EHMT1: variants seen among roughly 807,000 people sequenced by gnomAD.
EHMT1 encodes histone-lysine N-methyltransferase EHMT1.
In EHMT1, 15 loss-of-function variants were observed where a neutral mutation model predicts 147.2. The ratio of observed to expected loss-of-function variants is 0.10; its 90% CI spans 0.07 to 0.16. The LOEUF (loss-of-function observed/expected upper bound fraction) is 0.16, where lower values mean the gene tolerates loss of function less well. Among genes scored for constraint, EHMT1 ranks in the 10% least tolerant of loss-of-function variants. The pLI is 1.00. For missense variants in EHMT1, 1,587 were observed against 1,772.4 expected, an observed-to-expected ratio of 0.90 and a Z score of 1.88; for synonymous variants, 795 against 709.6, an observed-to-expected ratio of 1.12 and a Z score of -1.91.
At chr9:137,798,403 A>C (rs1389763138) in intron 16 of EHMT1, among the ~76,000 whole-genome samples, 1 of 152,120 alleles carries the variant, frequency 6.6e-6, no homozygotes, top group Non-Finnish European at 1.5e-5. Flanking sequence ...CCCCATCTCA[A>C]AAAGGAGAGA....
At chr9:137,713,356 G>A (rs1401689517) in intron 2 of EHMT1, among the ~76,000 whole-genome samples, 2 of 142,224 alleles carry the variant, frequency 1.4e-5, no homozygotes, top group Non-Finnish European at 3.0e-5. Flanking sequence ...TGCAAGCTCC[G>A]CTTCCCGGGT....
chr9:137,663,073 G>A (rs1462029806), intron 1 of EHMT1, among the ~76,000 whole-genome samples: 1 of 152,200 alleles, frequency 6.6e-6, no homozygotes, highest in East Asian at 1.9e-4. Context: ...GAATACAGGT[G>A]TGAGCCACCG....
At chr9:137,683,927 T>C (rs2134630176) in intron 1 of EHMT1, among the ~76,000 whole-genome samples, 1 of 152,204 alleles carries the variant, frequency 6.6e-6, no homozygotes, top group South Asian at 2.1e-4. Context: ...TCCTTCAAGA[T>C]CTTTGCCTTT....
In EHMT1 at chr9:137,743,570, A is replaced by G. The variant is rs138108260; in HGVS notation, c.981+42A>G. On this transcript the variant is annotated intron_variant, in intron 5 of 26. Coordinates refer to ENST00000460843, the MANE Select transcript of EHMT1 (RefSeq NM_024757.5). ...AGTGAGTTGCCACGTGTGCGTGGAAATGCGTTTCTGTGTTCAGGGCCTCGT... is the reference window on the plus strand; with the variant it reads ...AGTGAGTTGCCACGTGTGCGTGGAAGTGCGTTTCTGTGTTCAGGGCCTCGT... The G allele has an allele frequency of 3.6e-4, 586 of 1,613,484 alleles. 5 individuals are homozygous for G. In the East Asian group the frequency reaches 0.012, roughly 33 times the overall value.
intron 16 of EHMT1, among the ~76,000 whole-genome samples, chr9:137,797,430 G>C (rs925885877): frequency 6.6e-6 from 1 of 152,026 alleles, no homozygotes; most frequent in Non-Finnish European, 1.5e-5. Flanking sequence ...CTTTGCTGGC[G>C]TCTGTCTCTC....
chr9:137,795,967 T>C (rs1156812703), intron 16 of EHMT1, among the ~76,000 whole-genome samples: 1 of 151,818 alleles, frequency 6.6e-6, no homozygotes, highest in African/African-American at 2.4e-5. Flanking sequence ...ATGGGACAAA[T>C]AGAAAACAAA....
intron 1 of EHMT1, among the ~76,000 whole-genome samples, chr9:137,685,880 GTTTA>G (rs1212625628): frequency 6.6e-6 from 1 of 152,198 alleles, no homozygotes; most frequent in Admixed American, 6.5e-5. Context: ...TTGGAGAAAT[GTTTA>G]TTCAGATCTT....
At chr9:137,798,154 G>A (rs1223605937) in intron 16 of EHMT1, among the ~76,000 whole-genome samples, 1 of 152,298 alleles carries the variant, frequency 6.6e-6, no homozygotes, top group African/African-American at 2.4e-5. Flanking sequence ...CGATGCCTAC[G>A]ACTCCCAGAC....
At position 137,716,794 on chromosome 9, in the gene EHMT1, C is replaced by A; in HGVS notation, c.254C>A (p.Thr85Asn). ...GCAAGGGTCAACCCCCAGGATGGCA[C>A]CAACACACTAACTCGGATAGCGGAA... The part of the protein sequence containing the change: ...DSARVNPQDG[T>N]NTLTRIAENG... Residue 85 changes from threonine (T) to asparagine (N), a missense_variant, in exon 3 of 27, where the codon ACC becomes AAC. Thr to Asn is a moderately conservative substitution (Grantham distance 65). This residue lies in a region of EHMT1 where 810 missense variants were observed against 673.0 expected (regional missense o/e 1.20). Coordinates refer to ENST00000460843, the MANE Select transcript of EHMT1 (RefSeq NM_024757.5). 1.9e-6 allele frequency: 3 copies of A among 1,613,272 alleles called. No homozygotes were observed. The South Asian group carries it at 3.3e-5, about 18-fold the overall frequency.
intron 1 of EHMT1, among the ~76,000 whole-genome samples, chr9:137,620,223 A>G (rs943132662): frequency 6.6e-6 from 1 of 152,192 alleles, no homozygotes; most frequent in Non-Finnish European, 1.5e-5. Flanking sequence ...GTCACTGAGA[A>G]CAAAAAGCGA....
intron 16 of EHMT1, chr9:137,792,162 T>C (rs1952575308): frequency 2.2e-6 from 1 of 464,412 alleles, no homozygotes; most frequent in Non-Finnish European, 4.4e-6. Flanking sequence ...ATTTCAAAAC[T>C]TACTATATAC....
chr9:137,789,669 C>G (rs1403276162), intron 15 of EHMT1, among the ~76,000 whole-genome samples: 1 of 152,202 alleles, frequency 6.6e-6, no homozygotes, highest in African/African-American at 2.4e-5. Context: ...GGAAGCCCAG[C>G]TCCTTCCGGT....
At chr9:137,632,884 A>G (rs1332075063) in intron 1 of EHMT1, among the ~76,000 whole-genome samples, 1 of 152,202 alleles carries the variant, frequency 6.6e-6, no homozygotes, top group African/African-American at 2.4e-5. Flanking sequence ...CGTCCTTGCA[A>G]TAAGGGCAGT....
intron 4 of EHMT1, among the ~76,000 whole-genome samples, chr9:137,735,351 T>G (rs1416307987): frequency 6.6e-6 from 1 of 152,168 alleles, no homozygotes; most frequent in Non-Finnish European, 1.5e-5. Flanking sequence ...TTTAGGATGT[T>G]AAATGTAATC....
chr9:137,711,086 CCTG>C, intron 2 of EHMT1, 56 bp downstream of exon 2: 2 of 1,522,112 alleles, frequency 1.3e-6, no homozygotes, highest in East Asian at 4.9e-5. Flanking sequence ...GACTAGAAAA[CCTG>C]CTGCTCTTCC....
At position 137,828,787 on chromosome 9, in the gene EHMT1, T is replaced by C. The variant is rs772367706; in HGVS notation, c.3541-5562T>C. 3.3e-5 allele frequency among the ~76,000 whole-genome samples: 5 copies of C among 152,274 alleles called. No individual in the cohort carries two copies. The highest frequency in any genetic ancestry group is 4.8e-5 in the African/African-American group (2 of 41,566). ...ACCAGGAATAGCAAGTCCCCAGCCC[T>C]GGGGCCTCATGTCTGCAATGAGCCC... On this transcript the variant is annotated intron_variant, in intron 25 of 26. Coordinates refer to ENST00000460843, the MANE Select transcript of EHMT1 (RefSeq NM_024757.5). The surrounding 1 kb of genome is among the most constrained non-coding windows in gnomAD (Gnocchi z 5.3).
At chr9:137,644,105 C>G (rs901746043) in intron 1 of EHMT1, among the ~76,000 whole-genome samples, 5 of 152,110 alleles carry the variant, frequency 3.3e-5, no homozygotes, top group African/African-American at 9.7e-5. Flanking sequence ...GTACGGTGAC[C>G]AGGTGGCACT....
intron 1 of EHMT1, among the ~76,000 whole-genome samples, chr9:137,631,044 TTTAGA>T (rs1438709464): frequency 6.6e-6 from 1 of 152,036 alleles, no homozygotes; most frequent in East Asian, 1.9e-4. Context: ...GATATAGGTG[TTTAGA>T]TTTAATTTTT....
At chr9:137,724,359 C>T (rs1223920584) in intron 3 of EHMT1, among the ~76,000 whole-genome samples, 1 of 152,170 alleles carries the variant, frequency 6.6e-6, no homozygotes, top group Non-Finnish European at 1.5e-5. Context: ...GAAGGGCTGC[C>T]CTCCCAGAGC....
Sources: allele counts gnomAD v4.1 joint callset (sites outside exome capture counted in the v4.1 genomes callset), GRCh38; gene constraint gnomAD v4.1.1; regional missense constraint gnomAD v4.1.1; non-coding constraint Gnocchi (gnomAD v3.1); transcripts MANE v1.5; gene names NCBI Gene and HGNC (gene_info 2026-07-23, HGNC 2026-07-21).